The following HHEX variants were observed in gnomAD, a reference collection of about 807,000 sequenced individuals.
HHEX encodes hematopoietically expressed homeobox, also known as hematopoietically-expressed homeobox protein HHEX.
HHEX carries 8 observed loss-of-function variants against 27.0 expected under a neutral mutation model. That is an observed-to-expected ratio of 0.30 (90% CI 0.17 to 0.54). HHEX has a LOEUF of 0.54. Among genes scored for constraint, HHEX ranks in the 20% least tolerant of loss-of-function variants. The pLI is 0.95. For missense variants in HHEX, 326 were observed against 357.2 expected (o/e 0.91, Z 0.70); for synonymous variants, 164 against 161.5 (o/e 1.02, Z -0.12).
chr10:92,693,372 G>A (rs969770276), intron 3 of HHEX, among the ~76,000 whole-genome samples: 2 of 152,114 alleles, frequency 1.3e-5, no homozygotes, highest in African/African-American at 4.8e-5. Flanking sequence ...AAAAGTAAAG[G>A]CTAATTTAGT....
Position 92,690,366 on chromosome 10 carries a change from G to C in HHEX, c.361+19G>C. On this transcript the variant is annotated intron_variant, in intron 1 of 3. Transcript: ENST00000282728. ...CCCCTGGGTAAGGCGGCCGGGCGAG[G>C]GTGGGGGCGAGGAAGCGCCACCCGG... is the stretch of plus-strand genomic sequence containing the variant. 7.1e-7 allele frequency: 1 copy of C among 1,415,176 alleles called. No homozygotes were observed. The highest frequency in any genetic ancestry group is 9.2e-7 in the Non-Finnish European group (1 of 1,085,172). 87.7% of individuals were successfully genotyped at this position (1,415,176 alleles called of 1,614,324 possible).
intron 1 of HHEX, chr10:92,691,486 C>G (rs1845354274): frequency 6.6e-6 from 1 of 152,252 alleles, no homozygotes; most frequent in African/African-American, 2.4e-5. Flanking sequence ...ACCTTACCTT[C>G]TCACCGTTAA....
At chr10:92,692,258 T>C in intron 1 of HHEX, 110 bp from the exon 2 acceptor site, 2 of 1,093,596 alleles carry the variant, frequency 1.8e-6, no homozygotes, top group Non-Finnish European at 2.7e-6. Flanking sequence ...TGAATGTGTC[T>C]GGTTGGGTGG....
In HHEX at chr10:92,690,117, C is replaced by T. The variant is rs771793065; in HGVS notation, c.131C>T (p.Ala44Val). The change falls in exon 1 of 4, where the codon GCG (alanine) becomes GTG (valine). Residue 44 changes from alanine to valine, a missense_variant. By Grantham distance (64) the Ala-to-Val change is moderately conservative (BLOSUM62 0). Transcript: ENST00000282728. ...GACATCCTGGGCCGCGGGCCCGCCG[C>T]GCCCACGCCCGCCCCCACGCTGCCG... is the stretch of plus-strand genomic sequence containing the variant. ...IEDILGRGPA[A>V]PTPAPTLPSP... 40 of 1,548,044 alleles carry T rather than the reference C, an allele frequency of 2.6e-5. 1 individual carries two copies. The highest frequency in any genetic ancestry group is 3.3e-4 in the Middle Eastern group (2 of 5,972).
chr10:92,695,281 C>G lies in HHEX; in HGVS notation c.*513C>G, dbSNP rs1845392576. On this transcript the variant is annotated 3_prime_UTR_variant, in exon 4 of 4. Coordinates refer to ENST00000282728, the MANE Select transcript of HHEX (RefSeq NM_002729.5). ...ATATGACATTCTTATACTGCTGTCT[C>G]AAATCCAAAAACATTTCAGAGCTCT... 1 of 153,760 alleles carries G rather than the reference C, an allele frequency of 6.5e-6. No homozygotes were observed. The highest frequency in any genetic ancestry group is 2.4e-5 in the African/African-American group (1 of 41,436). The allele number at this position is 153,760 out of a possible 1,614,324, so 9.5% of individuals were successfully genotyped here. A position where few individuals can be genotyped will look rare whatever the true frequency, so the allele number is the denominator to read the frequency against.
chr10:92,692,509 A>G lies in HHEX; in HGVS notation c.503A>G (p.Lys168Arg), dbSNP rs752804342. ...TQKYLSPPER[K>R]RLAKMLQLSE... is the part of the protein sequence containing the mutation. ...AAATATCTCTCTCCGCCCGAGAGGA[A>G]GCGTCTGGCCAAGATGCTGCAGCTC... The change falls in exon 2 of 4, where the codon AAG becomes AGG. Residue 168 changes from lysine to arginine, a missense_variant. By Grantham distance (26) the Lys-to-Arg change is conservative. Coordinates refer to ENST00000282728, the MANE Select transcript of HHEX (RefSeq NM_002729.5). 6.2e-6 allele frequency: 10 copies of G among 1,613,800 alleles called. No homozygotes were observed. The highest frequency in any genetic ancestry group is 1.3e-5 in the African/African-American group (1 of 74,980).
rs1368222855 is a variant in HHEX, at chr10:92,694,968, T to G, written c.*200T>G. ...TAATTTTGACTTAACAAATAGTTTA[T>G]GTACTGCTCTTAGGTTGTTTTGATA... On this transcript the variant is annotated 3_prime_UTR_variant, in exon 4 of 4. Coordinates refer to ENST00000282728, the MANE Select transcript of HHEX (RefSeq NM_002729.5). 7.0e-6 allele frequency: 4 copies of G among 574,714 alleles called. No individual in the cohort carries two copies. Among genetic ancestry groups the G allele is most frequent in the Admixed American group, 3.1e-5 (1 of 32,434 alleles). 35.6% of individuals were successfully genotyped at this position (574,714 alleles called of 1,614,324 possible).
Position 92,690,336 on chromosome 10 carries a change from A to G in HHEX, c.350A>G (p.His117Arg). 6.7e-7 allele frequency: 1 copy of G among 1,496,136 alleles called. No homozygotes were observed. Among genetic ancestry groups the G allele is most frequent in the East Asian group, 2.7e-5 (1 of 37,218 alleles). 92.7% of individuals were successfully genotyped at this position (1,496,136 alleles called of 1,614,324 possible). A position where few individuals can be genotyped will look rare whatever the true frequency, so the allele number is the denominator to read the frequency against. Residue 117 changes from histidine (H) to arginine (R), a missense_variant, in exon 1 of 4, where the codon CAC (histidine) becomes CGC (arginine). By Grantham distance (29) the His-to-Arg change is conservative. This residue lies in a region of HHEX where 215 missense variants were observed against 196.4 expected (regional missense o/e 1.09). Transcript: ENST00000282728. ...VNDYTHALLR[H>R]DPLGKPLLWS... ...GACTACACGCACGCCCTGCTCCGCC[A>G]CGACCCCCTGGGTAAGGCGGCCGGG...
chr10:92,693,634 C>T (rs141852233), intron 3 of HHEX, among the ~76,000 whole-genome samples: 77 of 152,200 alleles, frequency 5.1e-4, no homozygotes, highest in African/African-American at 1.8e-3. Flanking sequence ...ATAAAATTCC[C>T]ATAACTTCAT....
In HHEX at chr10:92,692,751, A is replaced by C; in HGVS notation, c.590A>C (p.Gln197Pro). Residue 197 changes from glutamine (Q) to proline (P), a missense_variant and splice_region_variant, in exon 3 of 4, where the codon CAG (glutamine) becomes CCG (proline). Around this residue, in one of 4 missense-constraint regions of HHEX, gnomAD observed 68 missense variants for 84.9 expected, o/e 0.80. Transcript: ENST00000282728. Reference protein sequence around the residue: ...NRRAKWRRLKQENPQSNKKEE... With the variant: ...NRRAKWRRLKPENPQSNKKEE... ...CGCGCTAAATGGAGGAGACTAAAAC[A>C]GGTATGGACATGGTTCTGTTTCTAT... 6.2e-7 allele frequency: 1 copy of C among 1,610,306 alleles called. No individual in the cohort carries two copies. Among genetic ancestry groups the C allele is most frequent in the Non-Finnish European group, 8.5e-7 (1 of 1,176,520 alleles).
Position 92,690,225 on chromosome 10 carries a change from C to T in HHEX, c.239C>T (p.Ser80Leu), listed in dbSNP as rs1320151050. ...CCCACGCCGATCCATCCAGCCTTCT[C>T]GCACCACTCCGCCGCCGCGCTGGCC... is the stretch of plus-strand genomic sequence containing the variant. ...YEPTPIHPAF[S>L]HHSAAALAAA... is the part of the protein sequence containing the mutation. The change falls in exon 1 of 4, where the codon TCG becomes TTG. Residue 80 changes from serine (S) to leucine (L), a missense_variant. By Grantham distance (145) the Ser-to-Leu change is moderately radical. Transcript: ENST00000282728. 6 of 1,569,810 alleles carry T rather than the reference C, an allele frequency of 3.8e-6. No individual in the cohort carries two copies. The highest frequency in any genetic ancestry group is 1.4e-5 in the African/African-American group (1 of 73,916).
chr10:92,692,564 CT>C lies in HHEX; in HGVS notation c.540+19del. 1.2e-6 allele frequency: 2 copies of C among 1,612,514 alleles called. No homozygotes were observed. The highest frequency in any genetic ancestry group is 1.7e-6 in the Non-Finnish European group (2 of 1,179,104). ...AGAGACAGGTGAGCTCGCGGGGGGCCTGGGGCCGCCTCCGGGGAAGGGAAGG... is the reference window on the plus strand; with the variant it reads ...AGAGACAGGTGAGCTCGCGGGGGGCCGGGGCCGCCTCCGGGGAAGGGAAGG... On this transcript the variant is annotated intron_variant, in intron 2 of 3. Transcript: ENST00000282728.
intron 1 of HHEX, chr10:92,691,721 CAA>C (rs1239186281): frequency 6.6e-6 from 1 of 152,280 alleles, no homozygotes; most frequent in Non-Finnish European, 1.5e-5. Flanking sequence ...CAGGAGGAAG[CAA>C]AGAGTTTTTC....
In HHEX at chr10:92,695,498, A is replaced by G. The variant is rs1245782908; in HGVS notation, c.*730A>G. Reference sequence around the variant, plus strand: ...AGAAGTCACAGGTTAATTAAATGTAAGTAGATTGTAGATACTGTTTTATAT... The same window carrying G: ...AGAAGTCACAGGTTAATTAAATGTAGGTAGATTGTAGATACTGTTTTATAT... On this transcript the variant is annotated 3_prime_UTR_variant, in exon 4 of 4. Coordinates refer to ENST00000282728, the MANE Select transcript of HHEX (RefSeq NM_002729.5). 1 of 152,606 alleles carries G rather than the reference A, an allele frequency of 6.6e-6. No homozygotes were observed. Among genetic ancestry groups the G allele is most frequent in the East Asian group, 1.9e-4 (1 of 5,196 alleles). 9.5% of individuals were successfully genotyped at this position (152,606 alleles called of 1,614,324 possible).
At chr10:92,693,022 A>G (rs1283593217) in intron 3 of HHEX, among the ~76,000 whole-genome samples, 1 of 152,212 alleles carries the variant, frequency 6.6e-6, no homozygotes, top group East Asian at 1.9e-4. Context: ...TATAAATCCC[A>G]TATGTTGTTT....
At chr10:92,692,610 C>T in intron 2 of HHEX, 64 bp downstream of exon 2, 5 of 1,588,198 alleles carry the variant, frequency 3.1e-6, no homozygotes, top group East Asian at 2.3e-5. Flanking sequence ...TAGGGGTCGC[C>T]GGGCCACCGA....
intron 1 of HHEX, 30 bp downstream of exon 1, chr10:92,690,377 G>A: frequency 7.1e-7 from 1 of 1,402,458 alleles, no homozygotes; most frequent in Non-Finnish European, 9.3e-7. Context: ...GTGGGGGCGA[G>A]GAAGCGCCAC....
chr10:92,690,273 T>A lies in HHEX; in HGVS notation c.287T>A (p.Phe96Tyr). Reference sequence around the variant, plus strand: ...GCCGCTGCCTACGGACCCGGCGGCTTCGGGGGCCCTCTGTACCCCTTCCCG... The same window carrying A: ...GCCGCTGCCTACGGACCCGGCGGCTACGGGGGCCCTCTGTACCCCTTCCCG... Reference protein sequence around the residue: ...ALAAAYGPGGFGGPLYPFPRT... With the variant: ...ALAAAYGPGGYGGPLYPFPRT... The change falls in exon 1 of 4, where the codon TTC becomes TAC. Residue 96 changes from phenylalanine to tyrosine, a missense_variant. By Grantham distance (22) the Phe-to-Tyr change is conservative. Around this residue, in one of 4 missense-constraint regions of HHEX, gnomAD observed 215 missense variants for 196.4 expected, o/e 1.09. Transcript: ENST00000282728. The A allele has an allele frequency of 6.4e-7, 1 of 1,554,128 alleles. No individual in the cohort carries two copies. Among genetic ancestry groups the A allele is most frequent in the Non-Finnish European group, 8.7e-7 (1 of 1,149,230 alleles).
At chr10:92,692,621 G>A in intron 2 of HHEX, 75 bp downstream of exon 2, 1 of 1,605,440 alleles carries the variant, frequency 6.2e-7, no homozygotes, top group Non-Finnish European at 8.5e-7. Flanking sequence ...GGGCCACCGA[G>A]AGAGAGGCGA....
Sources: gnomAD v4.1 joint callset for allele counts (sites outside exome capture counted in the v4.1 genomes callset) on GRCh38, gnomAD v4.1.1 for gene constraint, gnomAD v4.1.1 regional missense constraint, MANE v1.5 for transcripts, NCBI Gene and HGNC (gene_info 2026-07-23, HGNC 2026-07-21) for gene names.